Variants in MAN1C1 observed in about 807,000 individuals in gnomAD.
The protein encoded by MAN1C1 is mannosidase alpha class 1C member 1.
In MAN1C1, 49 loss-of-function variants were observed where a neutral mutation model predicts 71.5. That is an observed-to-expected ratio of 0.69 (90% CI 0.54 to 0.87). MAN1C1 has a LOEUF of 0.87. Among genes scored for constraint, MAN1C1 ranks in the 40% least tolerant of loss-of-function variants. The pLI is 0.00. For synonymous variants in MAN1C1, 352 were observed against 343.7 expected (o/e 1.02, Z -0.27); for missense variants, 743 against 835.0 (o/e 0.89, Z 1.36).
At chr1:25,709,648 A>G (rs1340902327) in intron 2 of MAN1C1, 1 of 152,202 alleles carries the variant, frequency 6.6e-6, no homozygotes, top group African/African-American at 2.4e-5. Context: ...AGAGGAATGC[A>G]TGAAGATTCC....
chr1:25,728,892 A>C (rs1237068865), intron 2 of MAN1C1, among the ~76,000 whole-genome samples: 2 of 152,176 alleles, frequency 1.3e-5, no homozygotes, highest in African/African-American at 4.8e-5. Flanking sequence ...ACCCCTAGTG[A>C]GAGTTTGGTC....
intron 2 of MAN1C1, among the ~76,000 whole-genome samples, chr1:25,703,680 TAA>T (rs1233940027): frequency 6.6e-6 from 1 of 151,002 alleles, no homozygotes; most frequent in Non-Finnish European, 1.5e-5. Context: ...AAACTCTGTC[TAA>T]AAAAAAAGAA....
chr1:25,739,156 C>T (rs2124319575), intron 2 of MAN1C1, among the ~76,000 whole-genome samples: 1 of 152,278 alleles, frequency 6.6e-6, no homozygotes, highest in East Asian at 1.9e-4. Flanking sequence ...GAAAATAGCA[C>T]CTCATCCTTT....
At position 25,618,217 on chromosome 1, in the gene MAN1C1, T is replaced by G. The variant is rs2045142155; in HGVS notation, c.420T>G (p.Pro140=). ...PASRPGDEGV[P]FRFDFNAFRS... is the part of the protein sequence containing the mutation. ...CCAGGCCCGGGGACGAGGGCGTCCC[T>G]TTCCGCTTTGACTTCAACGCATTCC... Residue 140 remains proline, a synonymous_variant, in exon 1 of 12, where the codon CCT becomes CCG. Coordinates refer to ENST00000374332, the MANE Select transcript of MAN1C1 (RefSeq NM_020379.4). The G allele has an allele frequency of 1.9e-6, 3 of 1,597,182 alleles. No homozygotes were observed. Among genetic ancestry groups the G allele is most frequent in the African/African-American group, 1.3e-5 (1 of 74,514 alleles).
chr1:25,780,933 T>TC lies in MAN1C1; in HGVS notation c.1478-3dup, dbSNP rs767621973. Reference sequence around the variant, plus strand: ...GACCTGGGCCCTCTGCTTGGCTGTTTCCCCAGACACCAAACTTGGGCCTGA... The same window carrying TC: ...GACCTGGGCCCTCTGCTTGGCTGTTTCCCCCAGACACCAAACTTGGGCCTGA... On this transcript the variant is annotated splice_polypyrimidine_tract_variant and splice_region_variant and intron_variant, in intron 9 of 11. Transcript: ENST00000374332. The TC allele has an allele frequency of 4.3e-6, 7 of 1,613,268 alleles. No homozygotes were observed. The highest frequency in any genetic ancestry group is 5.9e-6 in the Non-Finnish European group (7 of 1,179,550).
chr1:25,781,077 C>T lies in MAN1C1; in HGVS notation c.1615C>T (p.Pro539Ser), dbSNP rs753687672. 6.2e-6 allele frequency: 10 copies of T among 1,614,102 alleles called. No individual in the cohort carries two copies. In the South Asian group the frequency reaches 6.6e-5, roughly 11 times the overall value. ...YMYLWRQTHNPIYREWGWEVV... is the reference protein window; with the variant it reads ...YMYLWRQTHNSIYREWGWEVV... ...GTACCTGTGGCGACAGACCCACAACCCCATCTACAGGGAGTGGGGCTGGGA... is the reference window on the plus strand; with the variant it reads ...GTACCTGTGGCGACAGACCCACAACTCCATCTACAGGGAGTGGGGCTGGGA... Residue 539 changes from proline to serine, a missense_variant, in exon 10 of 12, where the codon CCC (proline) becomes TCC (serine). Physicochemically the swap from Pro to Ser is moderately conservative, Grantham distance 74. Coordinates refer to ENST00000374332, the MANE Select transcript of MAN1C1 (RefSeq NM_020379.4).
At chr1:25,669,561 G>A (rs993414536) in intron 1 of MAN1C1, among the ~76,000 whole-genome samples, 29 of 152,056 alleles carry the variant, frequency 1.9e-4, no homozygotes, top group Non-Finnish European at 3.5e-4. Context: ...GAAGCCAAGA[G>A]TTCAAGACCA....
chr1:25,740,983 G>A (rs939532616), intron 2 of MAN1C1, among the ~76,000 whole-genome samples: 2 of 152,084 alleles, frequency 1.3e-5, no homozygotes, highest in Non-Finnish European at 2.9e-5. Context: ...GTGTGAGACA[G>A]GGTCAAGGGT....
At chr1:25,657,874 C>T (rs1056688643) in intron 1 of MAN1C1, among the ~76,000 whole-genome samples, 5 of 152,180 alleles carry the variant, frequency 3.3e-5, no homozygotes, top group Non-Finnish European at 7.3e-5. Flanking sequence ...GCATTGAGGC[C>T]CCAGGGATAT....
chr1:25,672,875 C>G (rs552712300), intron 1 of MAN1C1, among the ~76,000 whole-genome samples: 21 of 152,238 alleles, frequency 1.4e-4, no homozygotes, highest in African/African-American at 4.8e-4. Flanking sequence ...TGTTTTGAGG[C>G]TCAGTGCCAT....
At position 25,711,337 on chromosome 1, in the gene MAN1C1, G is replaced by A. The variant is rs926686528; in HGVS notation, c.637+24801G>A. On this transcript the variant is annotated intron_variant, in intron 2 of 11. Coordinates refer to ENST00000374332, the MANE Select transcript of MAN1C1 (RefSeq NM_020379.4). This position sits in a 1 kb window ranked among gnomAD's most constrained non-coding sequence, Gnocchi z 4.3. ...ATGGCCAAAGTCAGGGCTACAGGGA[G>A]AAGTAGGACACCAGGAACATTTTTG... Among the ~76,000 whole-genome samples the A allele has an allele frequency of 2.6e-5, 4 of 152,192 alleles. No homozygotes were observed. The highest frequency in any genetic ancestry group is 4.8e-5 in the African/African-American group (2 of 41,444).
intron 2 of MAN1C1, among the ~76,000 whole-genome samples, chr1:25,729,558 C>G (rs976514045): frequency 6.6e-6 from 1 of 151,612 alleles, no homozygotes; most frequent in Non-Finnish European, 1.5e-5. Flanking sequence ...GTCACCCAGG[C>G]TGGAGTGCAA....
At chr1:25,748,994 C>T (rs1321705186) in intron 3 of MAN1C1, among the ~76,000 whole-genome samples, 2 of 152,248 alleles carry the variant, frequency 1.3e-5, no homozygotes, top group East Asian at 3.8e-4. Context: ...AACCAGGCAT[C>T]GCTTTGCTGC....
In MAN1C1 at chr1:25,735,031, C is replaced by T. The variant is rs1384085524; in HGVS notation, c.638-11637C>T. On this transcript the variant is annotated intron_variant, in intron 2 of 11. Transcript: ENST00000374332. The surrounding 1 kb of genome is among the most constrained non-coding windows in gnomAD (Gnocchi z 4.6). ...AAGAGGGCATGCCAGGTAGAGAAAA[C>T]AGCTTGAAGAAAGGGCTGGAGGCTG... Among the ~76,000 whole-genome samples the T allele has an allele frequency of 6.6e-6, 1 of 152,150 alleles. No individual in the cohort carries two copies. Among genetic ancestry groups the T allele is most frequent in the East Asian group, 1.9e-4 (1 of 5,200 alleles).
Position 25,758,726 on chromosome 1 carries a change from C to A in MAN1C1, c.1047+17C>A, listed in dbSNP as rs147447261. ...GCTGAAAAGGCAAGTCTCCTCCCCA[C>A]CCTTCTTCCTGCGGAGCAGAGGGAT... On this transcript the variant is annotated intron_variant, in intron 6 of 11. Transcript: ENST00000374332. The A allele has an allele frequency of 1.3e-3, 2,141 of 1,599,686 alleles. 5 individuals are homozygous for A. Among genetic ancestry groups the A allele is most frequent in the Middle Eastern group, 0.011 (69 of 6,036 alleles).
At chr1:25,783,107 A>G (rs1406269982) in intron 11 of MAN1C1, among the ~76,000 whole-genome samples, 1 of 152,040 alleles carries the variant, frequency 6.6e-6, no homozygotes, top group Non-Finnish European at 1.5e-5. Context: ...CCTCGATTTC[A>G]TGCCATGGAA....
At chr1:25,658,843 C>T (rs1310229749) in intron 1 of MAN1C1, 1 of 152,756 alleles carries the variant, frequency 6.5e-6, no homozygotes, top group Admixed American at 6.5e-5. Context: ...TCCCCAGACG[C>T]CCCCAGCCCG....
At chr1:25,665,086 G>T (rs950031869) in intron 1 of MAN1C1, among the ~76,000 whole-genome samples, 1 of 152,088 alleles carries the variant, frequency 6.6e-6, no homozygotes, top group African/African-American at 2.4e-5. Context: ...GTGTAGAAAC[G>T]GTTTCTGACA....
rs574833921 is a variant in MAN1C1, at chr1:25,680,978, T to A, written c.541-5462T>A. Reference sequence around the variant, plus strand: ...GGCTCATGCCTGTAATCCCAGCACTTTGGGAAGCGAGGCGTGCAGATCACC... The same window carrying A: ...GGCTCATGCCTGTAATCCCAGCACTATGGGAAGCGAGGCGTGCAGATCACC... On this transcript the variant is annotated intron_variant, in intron 1 of 11. Transcript: ENST00000374332. 7.2e-5 allele frequency among the ~76,000 whole-genome samples: 11 copies of A among 151,974 alleles called. No individual in the cohort carries two copies. In the South Asian group the frequency reaches 2.3e-3, roughly 32 times the overall value.
Sources: allele counts gnomAD v4.1 joint callset (sites outside exome capture counted in the v4.1 genomes callset), GRCh38; gene constraint gnomAD v4.1.1; non-coding constraint Gnocchi (gnomAD v3.1); transcripts MANE v1.5; gene names NCBI Gene and HGNC (gene_info 2026-07-23, HGNC 2026-07-21).